PACRG: variants seen among roughly 807,000 people sequenced by gnomAD.
PACRG encodes parkin coregulated gene protein.
In PACRG, 29 loss-of-function variants were observed where a neutral mutation model predicts 29.7. The observed-to-expected ratio is 0.98, with a 90% CI of 0.73 to 1.33. The LOEUF (loss-of-function observed/expected upper bound fraction) is 1.33. Ranked by LOEUF, PACRG falls within the 40% of genes most tolerant of loss-of-function variation. The pLI is 0.00. For synonymous variants in PACRG, 116 were observed against 118.7 expected, an observed-to-expected ratio of 0.98 and a Z score of 0.15; for missense variants, 279 against 316.2, an observed-to-expected ratio of 0.88 and a Z score of 0.89.
At chr6:163,082,660 T>C (rs1813192290) in intron 3 of PACRG, among the ~76,000 whole-genome samples, 1 of 152,238 alleles carries the variant, frequency 6.6e-6, no homozygotes, top group South Asian at 2.1e-4. Flanking sequence ...GTTTACATTC[T>C]ATTTTATAAA....
chr6:162,820,327 C>T (rs1342406513), intron 2 of PACRG, among the ~76,000 whole-genome samples: 1 of 152,014 alleles, frequency 6.6e-6, no homozygotes, highest in African/African-American at 2.4e-5. Context: ...TATTTCTCAG[C>T]AGCATTGGTA....
chr6:162,909,361 C>G (rs1796148119), intron 2 of PACRG, among the ~76,000 whole-genome samples: 1 of 151,990 alleles, frequency 6.6e-6, no homozygotes, highest in Non-Finnish European at 1.5e-5. Flanking sequence ...CGAGACCATC[C>G]TGGCTAACAC....
chr6:163,029,346 A>G (rs1807441678), intron 2 of PACRG, among the ~76,000 whole-genome samples: 1 of 152,156 alleles, frequency 6.6e-6, no homozygotes, highest in Admixed American at 6.5e-5. Context: ...GTTTGGTGTA[A>G]GTTGTTACAG....
chr6:162,750,527 G>A (rs888409772), intron 1 of PACRG, among the ~76,000 whole-genome samples: 1 of 152,274 alleles, frequency 6.6e-6, no homozygotes, highest in African/African-American at 2.4e-5. Flanking sequence ...GCTAGACTAG[G>A]CATTTGTAAT....
chr6:162,937,155 A>G (rs996150025), intron 2 of PACRG, among the ~76,000 whole-genome samples: 2 of 152,198 alleles, frequency 1.3e-5, no homozygotes, highest in South Asian at 2.1e-4. Context: ...ATCCTGATGA[A>G]CCTTGAAGAG....
chr6:162,948,671 A>C (rs1272548847), intron 2 of PACRG, among the ~76,000 whole-genome samples: 1 of 152,124 alleles, frequency 6.6e-6, no homozygotes, highest in Non-Finnish European at 1.5e-5. Context: ...AACATGCAAG[A>C]AACTCACAAG....
intron 4 of PACRG, among the ~76,000 whole-genome samples, chr6:163,120,757 T>G (rs1816229992): frequency 6.6e-6 from 1 of 152,194 alleles, no homozygotes; most frequent in Non-Finnish European, 1.5e-5. Flanking sequence ...CTGAAGAGTT[T>G]GAGTCAGTCT....
chr6:162,899,146 G>T (rs1013415709), intron 2 of PACRG, among the ~76,000 whole-genome samples: 3 of 152,164 alleles, frequency 2.0e-5, no homozygotes, highest in Non-Finnish European at 4.4e-5. Context: ...TTCTTTTTGT[G>T]TGCTGAGGGG....
At chr6:163,107,765 A>C (rs2128317459) in intron 4 of PACRG, among the ~76,000 whole-genome samples, 1 of 152,238 alleles carries the variant, frequency 6.6e-6, no homozygotes, top group Non-Finnish European at 1.5e-5. Flanking sequence ...TTGGATTCCA[A>C]ATGTACAAGG....
intron 2 of PACRG, among the ~76,000 whole-genome samples, chr6:162,936,328 G>T (rs957751060): frequency 1.7e-4 from 26 of 152,160 alleles, no homozygotes; most frequent in African/African-American, 5.3e-4. Context: ...ACATGCAGAA[G>T]AATTGCATAG....
intron 4 of PACRG, among the ~76,000 whole-genome samples, chr6:163,262,610 A>G (rs941191901): frequency 6.6e-6 from 1 of 151,998 alleles, no homozygotes; most frequent in Non-Finnish European, 1.5e-5. Context: ...ATGCTCAGAC[A>G]TGGCCATCGG....
intron 2 of PACRG, among the ~76,000 whole-genome samples, chr6:162,872,144 C>T (rs1242491268): frequency 6.6e-6 from 1 of 152,048 alleles, no homozygotes; most frequent in African/African-American, 2.4e-5. Flanking sequence ...CAGAGCTTGC[C>T]AAAACCACAG....
intron 3 of PACRG, among the ~76,000 whole-genome samples, chr6:163,068,903 C>A (rs1052429156): frequency 1.3e-5 from 2 of 151,862 alleles, no homozygotes; most frequent in African/African-American, 4.8e-5. Flanking sequence ...TTAGCAGTTT[C>A]TTTTTGGCTT....
chr6:163,109,848 T>C (rs1313061032), intron 4 of PACRG, among the ~76,000 whole-genome samples: 2 of 152,184 alleles, frequency 1.3e-5, no homozygotes, highest in Admixed American at 6.5e-5. Flanking sequence ...CACAGTGAAA[T>C]TGAGAAGGAG....
At chr6:163,045,548 C>T (rs748959370) in intron 2 of PACRG, among the ~76,000 whole-genome samples, 38 of 151,398 alleles carry the variant, frequency 2.5e-4, no homozygotes, top group Non-Finnish European at 1.0e-4. Context: ...TGGTCTTGAT[C>T]TCCTGACCTC....
intron 4 of PACRG, among the ~76,000 whole-genome samples, chr6:163,254,896 C>T (rs1347062523): frequency 6.6e-6 from 1 of 152,230 alleles, no homozygotes; most frequent in East Asian, 1.9e-4. Context: ...TTCAGCCTCA[C>T]TCTTTTCCTG....
At chr6:163,153,047 G>A (rs1778164435) in intron 4 of PACRG, among the ~76,000 whole-genome samples, 2 of 152,122 alleles carry the variant, frequency 1.3e-5, no homozygotes, top group Admixed American at 1.3e-4. Flanking sequence ...AAGGAAAATG[G>A]AAACAATTCA....
At chr6:162,832,912 T>C (rs1788910785) in intron 2 of PACRG, among the ~76,000 whole-genome samples, 1 of 152,032 alleles carries the variant, frequency 6.6e-6, no homozygotes, top group African/African-American at 2.4e-5. Flanking sequence ...AAACCAATGA[T>C]TTGCAATTTG....
In PACRG at chr6:163,062,168, G is replaced by A. The variant is rs1267329582; in HGVS notation, c.310G>A (p.Asp104Asn). Reference protein sequence around the residue: ...IAWKVEIEKLDYHHYLPLFFD... With the variant: ...IAWKVEIEKLNYHHYLPLFFD... ...CTTTCAGGTAGAAATTGAGAAGCTG[G>A]ATTACCATCATTATCTGCCTCTGTT... Residue 104 changes from aspartate to asparagine, a missense_variant, in exon 3 of 5, where the codon GAT (aspartate) becomes AAT (asparagine). Asp to Asn is a conservative substitution (Grantham distance 23). Transcript: ENST00000366888. 1 of 1,614,014 alleles carries A rather than the reference G, an allele frequency of 6.2e-7. No homozygotes were observed. Among genetic ancestry groups the A allele is most frequent in the South Asian group, 1.1e-5 (1 of 91,044 alleles).
Sources: gnomAD v4.1 joint callset for allele counts (sites outside exome capture counted in the v4.1 genomes callset) on GRCh38, gnomAD v4.1.1 for gene constraint, MANE v1.5 for transcripts, NCBI Gene and HGNC (gene_info 2026-07-23, HGNC 2026-07-21) for gene names.